CATSPERE: variants seen among roughly 807,000 people sequenced by gnomAD.
CATSPERE encodes the protein catsper channel auxiliary subunit epsilon.
Under a neutral mutation model 114.1 loss-of-function variants are expected in CATSPERE, and 93 were observed. That is an observed-to-expected ratio of 0.81 (90% CI 0.69 to 0.97). The LOEUF (loss-of-function observed/expected upper bound fraction) is 0.97, where lower values mean the gene tolerates loss of function less well. Ranked by LOEUF, CATSPERE falls within the 50% of genes least tolerant of loss-of-function variation. CATSPERE has a pLI of 0.00. For missense variants in CATSPERE, 1,058 were observed against 1,131.6 expected (o/e 0.93, Z 0.93); for synonymous variants, 341 against 384.1 (o/e 0.89, Z 1.31).
At chr1:244,487,223 C>G (rs1291283223) in intron 5 of CATSPERE, among the ~76,000 whole-genome samples, 1 of 151,948 alleles carries the variant, frequency 6.6e-6, no homozygotes, top group Admixed American at 6.6e-5. Flanking sequence ...GGTGCAGACC[C>G]TCGTAATCAC....
intron 8 of CATSPERE, among the ~76,000 whole-genome samples, chr1:244,519,177 C>T (rs1408186610): frequency 1.3e-5 from 2 of 152,102 alleles, no homozygotes; most frequent in Admixed American, 6.5e-5. Flanking sequence ...GATAAAGTAC[C>T]TGCCTTCAAT....
At chr1:244,509,993 G>C (rs555484030) in intron 7 of CATSPERE, among the ~76,000 whole-genome samples, 1 of 152,116 alleles carries the variant, frequency 6.6e-6, no homozygotes, top group Non-Finnish European at 1.5e-5. Context: ...CTAAGTAGCA[G>C]TTTATCGATT....
rs149544254 is a variant in CATSPERE, at chr1:244,569,417, T to C, written c.1508-2913T>C. Among the ~76,000 whole-genome samples the C allele has an allele frequency of 3.9e-3, 600 of 152,366 alleles. 2 individuals are homozygous for C. Among genetic ancestry groups the C allele is most frequent in the African/African-American group, 0.014 (575 of 41,594 alleles). On this transcript the variant is annotated intron_variant, in intron 10 of 21. Coordinates refer to ENST00000366534, the MANE Select transcript of CATSPERE (RefSeq NM_001130957.2). Reference sequence around the variant, plus strand: ...CTCCCCCTTTTCTGTGAATTTTCTATTCATACTGTTTGGACATTTTTGCAT... The same window carrying C: ...CTCCCCCTTTTCTGTGAATTTTCTACTCATACTGTTTGGACATTTTTGCAT...
chr1:244,533,288 G>T (rs533235398), intron 8 of CATSPERE, among the ~76,000 whole-genome samples: 7 of 151,856 alleles, frequency 4.6e-5, no homozygotes, highest in Admixed American at 3.9e-4. Flanking sequence ...CAGATTGTTG[G>T]GTCTTGTTTT....
intron 8 of CATSPERE, among the ~76,000 whole-genome samples, chr1:244,520,051 A>G (rs58539543): frequency 0.12 from 18,703 of 152,140 alleles, 1,940 homozygotes; most frequent in African/African-American, 0.28. Flanking sequence ...TTTATCAAAC[A>G]TGATTTACAA....
At chr1:244,468,805 C>G (rs1306895914) in intron 2 of CATSPERE, among the ~76,000 whole-genome samples, 2 of 152,094 alleles carry the variant, frequency 1.3e-5, no homozygotes, top group African/African-American at 4.8e-5. Context: ...ATAGTCCCAG[C>G]TACTTGGGCG....
chr1:244,515,549 C>G (rs1219330487), intron 7 of CATSPERE, among the ~76,000 whole-genome samples: 2 of 152,116 alleles, frequency 1.3e-5, no homozygotes, highest in African/African-American at 4.8e-5. Context: ...TTGGATGGTA[C>G]TTGAAGCCAT....
At chr1:244,541,393 A>G (rs1658700214) in intron 8 of CATSPERE, among the ~76,000 whole-genome samples, 1 of 150,348 alleles carries the variant, frequency 6.7e-6, no homozygotes, top group Admixed American at 6.6e-5. Flanking sequence ...GCAGCCAAAA[A>G]ACACATGAAA....
intron 7 of CATSPERE, among the ~76,000 whole-genome samples, chr1:244,516,518 G>A (rs937502289): frequency 6.7e-6 from 1 of 149,860 alleles, no homozygotes; most frequent in African/African-American, 2.5e-5. Flanking sequence ...ATGCTAAAAG[G>A]GTTTTGTTTT....
intron 19 of CATSPERE, among the ~76,000 whole-genome samples, 191 bp from the exon 20 acceptor site, chr1:244,617,338 A>T (rs147298798): frequency 3.3e-5 from 5 of 152,326 alleles, no homozygotes; most frequent in African/African-American, 1.2e-4. Flanking sequence ...ATTTGCTTTC[A>T]CTAAGCTTCA....
intron 9 of CATSPERE, among the ~76,000 whole-genome samples, chr1:244,557,582 T>TATATATATATAA (rs1661844658): frequency 1.9e-5 from 2 of 108,106 alleles, no homozygotes; most frequent in African/African-American, 3.6e-5. Flanking sequence ...TATATATATA[T>TATATATATATAA]AAAATCTCCC....
At chr1:244,528,604 G>T (rs556345512) in intron 8 of CATSPERE, among the ~76,000 whole-genome samples, 23 of 152,092 alleles carry the variant, frequency 1.5e-4, no homozygotes, top group Non-Finnish European at 2.4e-4. Flanking sequence ...GGTAAGTGGG[G>T]TATCCATCAC....
At chr1:244,469,726 C>T (rs1467619061) in intron 2 of CATSPERE, among the ~76,000 whole-genome samples, 1 of 151,872 alleles carries the variant, frequency 6.6e-6, no homozygotes, top group Admixed American at 6.6e-5. Context: ...TCAAGAGTAC[C>T]AGAATAGACA....
chr1:244,596,798 T>C (rs1269214787), intron 17 of CATSPERE, among the ~76,000 whole-genome samples: 1 of 139,722 alleles, frequency 7.2e-6, no homozygotes, highest in Non-Finnish European at 1.6e-5. Flanking sequence ...AAAAAGAAAA[T>C]GAGTGATTGT....
chr1:244,451,910 G>C (rs1294546810), upstream of CATSPERE: 2 of 1,315,784 alleles, frequency 1.5e-6, no homozygotes, highest in Non-Finnish European at 1.0e-6. The surrounding 1 kb of genome is among the most constrained non-coding windows in gnomAD (Gnocchi z 6.6). Context: ...ACATGCAGAG[G>C]AAGAAGGAGC....
At chr1:244,595,669 C>A (rs539889554) in intron 17 of CATSPERE, among the ~76,000 whole-genome samples, 2 of 152,162 alleles carry the variant, frequency 1.3e-5, no homozygotes, top group African/African-American at 4.8e-5. Context: ...CAGTGGCTCA[C>A]GCCTGTAATC....
At chr1:244,620,900 G>A (rs1558608079) in intron 20 of CATSPERE, among the ~76,000 whole-genome samples, 1 of 149,576 alleles carries the variant, frequency 6.7e-6, no homozygotes. Context: ...TAAGGCCCTA[G>A]CAGAGACAGA....
intron 7 of CATSPERE, among the ~76,000 whole-genome samples, chr1:244,512,783 T>G (rs1056830117): frequency 5.9e-5 from 9 of 152,218 alleles, no homozygotes; most frequent in Middle Eastern, 3.2e-3. Flanking sequence ...GGTAGGTTAC[T>G]CTGGCTTTAA....
At chr1:244,512,484 A>G (rs759349946) in intron 7 of CATSPERE, among the ~76,000 whole-genome samples, 3 of 151,872 alleles carry the variant, frequency 2.0e-5, no homozygotes, top group Admixed American at 6.6e-5. Flanking sequence ...GTTCTCTTGT[A>G]TCTCACTAAG....
Sources: gnomAD v4.1 joint callset for allele counts (sites outside exome capture counted in the v4.1 genomes callset) on GRCh38, gnomAD v4.1.1 for gene constraint, Gnocchi (gnomAD v3.1) non-coding constraint, MANE v1.5 for transcripts, NCBI Gene and HGNC (gene_info 2026-07-23, HGNC 2026-07-21) for gene names.